The following NFATC1 variants were observed in gnomAD, a reference collection of about 807,000 sequenced individuals.
NFATC1 encodes nuclear factor of activated T cells 1.
NFATC1 carries 22 observed loss-of-function variants against 76.0 expected under a neutral mutation model. That is an observed-to-expected ratio of 0.29 (90% CI 0.21 to 0.41). The LOEUF (loss-of-function observed/expected upper bound fraction) is 0.41, where lower values mean the gene tolerates loss of function less well. Ranked by LOEUF, NFATC1 falls within the 10% of genes least tolerant of loss-of-function variation. The pLI is 1.00. For missense variants in NFATC1, 1,357 were observed against 1,337.7 expected, an observed-to-expected ratio of 1.01 and a Z score of -0.23; for synonymous variants, 704 against 613.1, an observed-to-expected ratio of 1.15 and a Z score of -2.19.
chr18:79,444,573 C>T (rs1307911018), intron 3 of NFATC1, among the ~76,000 whole-genome samples: 2 of 152,246 alleles, frequency 1.3e-5, no homozygotes, highest in Non-Finnish European at 2.9e-5. Flanking sequence ...GCAGATGAAG[C>T]TGCCCCTTAA....
intron 9 of NFATC1, among the ~76,000 whole-genome samples, chr18:79,525,008 C>G (rs999466285): frequency 6.6e-6 from 1 of 151,742 alleles, no homozygotes; most frequent in Non-Finnish European, 1.5e-5. Context: ...TCCCCACATC[C>G]CATCATTACT....
chr18:79,466,760 C>T (rs1341836985), intron 7 of NFATC1, among the ~76,000 whole-genome samples: 1 of 152,204 alleles, frequency 6.6e-6, no homozygotes, highest in African/African-American at 2.4e-5. Context: ...TGACTGAGGG[C>T]CTCGGCCATC....
intron 8 of NFATC1, among the ~76,000 whole-genome samples, chr18:79,474,951 G>A (rs1460217781): frequency 7.9e-6 from 1 of 126,248 alleles, no homozygotes; most frequent in African/African-American, 3.6e-5. Context: ...AGGGAAGCGT[G>A]TTCTCACGCT....
chr18:79,415,859 C>G (rs1397476455), intron 2 of NFATC1, among the ~76,000 whole-genome samples: 1 of 151,960 alleles, frequency 6.6e-6, no homozygotes, highest in Non-Finnish European at 1.5e-5. Flanking sequence ...GTCAGGAGTT[C>G]AAGACCAGCC....
intron 8 of NFATC1, among the ~76,000 whole-genome samples, chr18:79,484,613 T>C (rs2089441961): frequency 6.6e-6 from 1 of 151,964 alleles, no homozygotes; most frequent in Non-Finnish European, 1.5e-5. Context: ...TTTGAATGAG[T>C]GAATGAAAGT....
chr18:79,414,892 A>T (rs1312715259), intron 2 of NFATC1, among the ~76,000 whole-genome samples: 1 of 152,206 alleles, frequency 6.6e-6, no homozygotes, highest in Non-Finnish European at 1.5e-5. Flanking sequence ...GGCCAGGGCG[A>T]GAGTGCACGT....
intron 1 of NFATC1, chr18:79,400,329 G>T: frequency 3.7e-6 from 5 of 1,357,026 alleles, no homozygotes; most frequent in African/African-American, 1.5e-5. Flanking sequence ...GGGCAGCGCC[G>T]GGAGAACCGA....
At chr18:79,456,083 C>T (rs9950063) in intron 6 of NFATC1, among the ~76,000 whole-genome samples, 42,004 of 152,118 alleles carry the variant, frequency 0.28, 8,301 homozygotes, top group African/African-American at 0.55. Context: ...CAAGCTCTGA[C>T]AGGCACCTGG....
At chr18:79,526,814 G>A (rs956697406) in intron 9 of NFATC1, among the ~76,000 whole-genome samples, 26 of 152,238 alleles carry the variant, frequency 1.7e-4, no homozygotes, top group African/African-American at 6.3e-4. Context: ...AGAAACACGT[G>A]GGGCTTATCT....
chr18:79,520,605 G>A (rs1456170028), intron 9 of NFATC1, among the ~76,000 whole-genome samples: 1 of 130,242 alleles, frequency 7.7e-6, no homozygotes, highest in African/African-American at 2.9e-5. Context: ...GTGTGTCTGT[G>A]TGTGTGTGGG....
intron 9 of NFATC1, among the ~76,000 whole-genome samples, chr18:79,512,496 G>A (rs969869785): frequency 4.6e-5 from 7 of 152,202 alleles, no homozygotes; most frequent in African/African-American, 1.2e-4. Context: ...AACCGGAGCC[G>A]GAGCAGCATC....
At chr18:79,491,822 C>G (rs567469684) in intron 9 of NFATC1, among the ~76,000 whole-genome samples, 10 of 152,056 alleles carry the variant, frequency 6.6e-5, no homozygotes, top group Admixed American at 5.9e-4. Context: ...CTCGTGGGGC[C>G]GGGGACTCAG....
intron 5 of NFATC1, among the ~76,000 whole-genome samples, chr18:79,451,382 C>T (rs2087467097): frequency 6.6e-6 from 1 of 152,248 alleles, no homozygotes; most frequent in Admixed American, 6.5e-5. Flanking sequence ...CCGGGGCTTC[C>T]CCTCACGCTG....
rs371820526 is a variant in NFATC1 at position 79,511,048 on chromosome 18, G to A, written c.2783-16480G>A. Reference sequence around the variant, plus strand: ...TGGCGTGGGCCCGCGGTGTCTGTCAGGGTGCCCTGGGCCAGCCCCGCTGAT... The same window carrying A: ...TGGCGTGGGCCCGCGGTGTCTGTCAAGGTGCCCTGGGCCAGCCCCGCTGAT... On this transcript the variant is annotated intron_variant, in intron 9 of 9. Coordinates refer to ENST00000427363, the MANE Select transcript of NFATC1 (RefSeq NM_001278669.2). Among the ~76,000 whole-genome samples the A allele has an allele frequency of 3.2e-3, 495 of 152,324 alleles. 4 individuals carry two copies. The highest frequency in any genetic ancestry group is 0.011 in the African/African-American group (467 of 41,574).
At chr18:79,494,616 G>A (rs550103862) in intron 9 of NFATC1, among the ~76,000 whole-genome samples, 4 of 74,490 alleles carry the variant, frequency 5.4e-5, no homozygotes, top group African/African-American at 1.5e-4. Context: ...ACCTGGTACC[G>A]CCGGGGGAAG....
intron 8 of NFATC1, chr18:79,467,874 C>T (rs1211365612): frequency 1.7e-6 from 2 of 1,190,860 alleles, no homozygotes; most frequent in African/African-American, 3.2e-5. Flanking sequence ...AAACATGGCT[C>T]TTCTGCTCCA....
intron 3 of NFATC1, among the ~76,000 whole-genome samples, chr18:79,436,488 A>G (rs2086780856): frequency 6.6e-6 from 1 of 152,048 alleles, no homozygotes; most frequent in Admixed American, 6.5e-5. Context: ...TCTCGCGGCC[A>G]GGGGCACGCT....
rs757484996 is a variant in NFATC1, at chr18:79,486,761, C to T, written c.2606C>T (p.Pro869Leu). The T allele has an allele frequency of 6.9e-6, 11 of 1,605,122 alleles. No individual in the cohort carries two copies. The highest frequency in any genetic ancestry group is 2.2e-5 in the East Asian group (1 of 44,708). ...TCLQPCSPAC[P>L]PATGRPQHLP... is the part of the protein sequence containing the mutation. ...CTGCAGCCCTGCAGCCCAGCGTGCCCGCCCGCCACGGGCCGCCCGCAGCAC... is the reference window on the plus strand; with the variant it reads ...CTGCAGCCCTGCAGCCCAGCGTGCCTGCCCGCCACGGGCCGCCCGCAGCAC... Residue 869 changes from proline (P) to leucine (L), a missense_variant, in exon 9 of 10, where the codon CCG becomes CTG. By Grantham distance (98) the Pro-to-Leu change is moderately conservative (BLOSUM62 -3). Around this residue, in one of 3 missense-constraint regions of NFATC1, gnomAD observed 424 missense variants for 395.4 expected, o/e 1.07. Transcript: ENST00000427363.
intron 2 of NFATC1, among the ~76,000 whole-genome samples, chr18:79,418,875 G>C (rs556075841): frequency 6.6e-6 from 1 of 152,164 alleles, no homozygotes; most frequent in Non-Finnish European, 1.5e-5. Context: ...TGCGGAGGCC[G>C]AGGGCCTGTG....
Sources: allele counts gnomAD v4.1 joint callset (sites outside exome capture counted in the v4.1 genomes callset), GRCh38; gene constraint gnomAD v4.1.1; regional missense constraint gnomAD v4.1.1; transcripts MANE v1.5; gene names NCBI Gene and HGNC (gene_info 2026-07-23, HGNC 2026-07-21).